The following TPTE2 variants were observed in gnomAD, a reference collection of about 807,000 sequenced individuals.
The protein encoded by TPTE2 is phosphatidylinositol 3,4,5-trisphosphate 3-phosphatase TPTE2.
Under a neutral mutation model 78.6 loss-of-function variants are expected in TPTE2, and 53 were observed. The observed-to-expected ratio is 0.67, with a 90% CI of 0.54 to 0.85. TPTE2 has a LOEUF of 0.85. Among genes scored for constraint, TPTE2 ranks in the 40% least tolerant of loss-of-function variants. The pLI, the probability that TPTE2 is intolerant of heterozygous loss-of-function variation, is 0.00. For synonymous variants in TPTE2, 175 were observed against 206.2 expected, an observed-to-expected ratio of 0.85 and a Z score of 1.30; for missense variants, 461 against 623.0, an observed-to-expected ratio of 0.74 and a Z score of 2.77.
At chr13:19,467,894 CTT>C (rs1276484444) in intron 6 of TPTE2, among the ~76,000 whole-genome samples, 28 of 111,826 alleles carry the variant, frequency 2.5e-4, no homozygotes, top group Non-Finnish European at 3.3e-4. Flanking sequence ...AATTCAATTG[CTT>C]TTTTTTTTTT....
At chr13:19,431,665 C>T (rs1876613653) in intron 16 of TPTE2, among the ~76,000 whole-genome samples, 1 of 150,572 alleles carries the variant, frequency 6.6e-6, no homozygotes, top group South Asian at 2.1e-4. Context: ...TCCCTCTTTC[C>T]CATTCCAGGT....
intron 1 of TPTE2, among the ~76,000 whole-genome samples, chr13:19,521,909 T>C (rs976903938): frequency 6.6e-6 from 1 of 152,198 alleles, no homozygotes; most frequent in African/African-American, 2.4e-5. Context: ...GTTATCTTTC[T>C]CAGCTCTTTA....
chr13:19,471,852 G>A (rs1593378662), intron 6 of TPTE2, among the ~76,000 whole-genome samples: 1 of 152,154 alleles, frequency 6.6e-6, no homozygotes, highest in Non-Finnish European at 1.5e-5. Context: ...TTTCTTCTAG[G>A]ACAGGTCTGG....
At chr13:19,444,141 C>CA (rs1216155325) in intron 13 of TPTE2, among the ~76,000 whole-genome samples, 9 of 150,486 alleles carry the variant, frequency 6.0e-5, no homozygotes, top group Non-Finnish European at 1.3e-4. Flanking sequence ...CCCATCTCTA[C>CA]AAAAAAATGA....
the TPTE2 span, among the ~76,000 whole-genome samples, chr13:19,543,479 C>T: frequency 3.9e-5 from 6 of 152,024 alleles, no homozygotes; most frequent in African/African-American, 1.4e-4. Context: ...GCCTCAGGCC[C>T]CCGTGTAGCT....
chr13:19,539,759 C>T (rs561360850), upstream of TPTE2, among the ~76,000 whole-genome samples: 1 of 152,186 alleles, frequency 6.6e-6, no homozygotes. Context: ...AACTCCCTCA[C>T]CTTGTCCTCT....
chr13:19,486,668 G>T lies in TPTE2; in HGVS notation c.120-4121C>A, dbSNP rs1880682533. Among the ~76,000 whole-genome samples, 1 of 152,166 alleles carries T rather than the reference G, an allele frequency of 6.6e-6. No individual in the cohort carries two copies. The highest frequency in any genetic ancestry group is 6.5e-5 in the Admixed American group (1 of 15,280). ...CATCTGGCCTGCAGCCAGTCTGCTG[G>T]GGGAAACTCATGGGCCAAATATACA... On this transcript the variant is annotated intron_variant, in intron 3 of 19. Transcript: ENST00000400230. The surrounding 1 kb of genome is among the most constrained non-coding windows in gnomAD (Gnocchi z 4.3).
intron 3 of TPTE2, among the ~76,000 whole-genome samples, chr13:19,489,658 C>A (rs1566062012): frequency 1.3e-5 from 2 of 148,688 alleles, no homozygotes; most frequent in South Asian, 2.1e-4. Flanking sequence ...ATGTGTATAT[C>A]TATATACACA....
At chr13:19,465,409 T>C (rs1167260906) in intron 8 of TPTE2, 56 bp downstream of exon 11, 14 of 1,607,182 alleles carry the variant, frequency 8.7e-6, no homozygotes, top group Non-Finnish European at 1.2e-5. Context: ...CCCTTGCCAA[T>C]GGGTCCCAAA....
At chr13:19,496,846 C>G (rs1881347483) in intron 1 of TPTE2, among the ~76,000 whole-genome samples, 2 of 152,192 alleles carry the variant, frequency 1.3e-5, no homozygotes, top group South Asian at 4.1e-4. Flanking sequence ...CCAGCGTGAG[C>G]GACGCGGAAG....
At chr13:19,528,581 T>C (rs1166857040) in intron 1 of TPTE2, among the ~76,000 whole-genome samples, 8 of 152,198 alleles carry the variant, frequency 5.3e-5, no homozygotes, top group African/African-American at 1.9e-4. Context: ...TAGACAAGAC[T>C]GTTTAAATCA....
chr13:19,496,115 C>T (rs1461768691), intron 1 of TPTE2, among the ~76,000 whole-genome samples: 1 of 152,194 alleles, frequency 6.6e-6, no homozygotes, highest in Non-Finnish European at 1.5e-5. Context: ...ATCCACCCAC[C>T]CTGGCCTCCC....
At chr13:19,492,856 C>T in exon 3 of TPTE2, 1 of 1,613,910 alleles carries the variant, frequency 6.2e-7, no homozygotes, top group African/African-American at 1.3e-5. Context: ...TCACCTTTTA[C>T]TGATAGGTGA....
chr13:19,424,144 TATCA>T (rs1415613870), intron 19 of TPTE2, among the ~76,000 whole-genome samples: 2 of 152,240 alleles, frequency 1.3e-5, no homozygotes, highest in Non-Finnish European at 2.9e-5. Context: ...TAACAATAAC[TATCA>T]ATTCATGCCA....
intron 4 of TPTE2, 148 bp downstream of exon 7, chr13:19,482,340 G>A: frequency 2.9e-6 from 2 of 698,922 alleles, no homozygotes; most frequent in South Asian, 5.2e-5. Flanking sequence ...GAATTCAACT[G>A]GAGTAAATAC....
chr13:19,543,947 G>A, the TPTE2 span, among the ~76,000 whole-genome samples: 3 of 147,564 alleles, frequency 2.0e-5, no homozygotes, highest in South Asian at 2.2e-4. Flanking sequence ...CCGTAGTCCC[G>A]GCTACTTGAA....
At chr13:19,482,213 A>G (rs574232185) in intron 4 of TPTE2, among the ~76,000 whole-genome samples, 2 of 150,722 alleles carry the variant, frequency 1.3e-5, no homozygotes, top group Non-Finnish European at 1.5e-5. Context: ...CCTGTTTTTT[A>G]AAAAAAAACT....
intron 18 of TPTE2, among the ~76,000 whole-genome samples, chr13:19,425,393 C>T (rs1875953629): frequency 6.6e-6 from 1 of 152,150 alleles, no homozygotes; most frequent in South Asian, 2.1e-4. Flanking sequence ...CTCAGCATCC[C>T]TTTTAATTAT....
At chr13:19,497,038 A>G (rs191162804) in intron 1 of TPTE2, among the ~76,000 whole-genome samples, 288 of 152,294 alleles carry the variant, frequency 1.9e-3, no homozygotes, top group African/African-American at 6.3e-3. Context: ...AAGGGGTGAC[A>G]GACGGCACCT....
Sources: gnomAD v4.1 joint callset for allele counts (sites outside exome capture counted in the v4.1 genomes callset) on GRCh38, gnomAD v4.1.1 for gene constraint, Gnocchi (gnomAD v3.1) non-coding constraint, MANE v1.5 for transcripts, NCBI Gene and HGNC (gene_info 2026-07-23, HGNC 2026-07-21) for gene names.